WWOX: variants seen among roughly 807,000 people sequenced by gnomAD.
The protein encoded by WWOX is WW domain containing oxidoreductase, also known as WW domain-containing oxidoreductase.
Under a neutral mutation model 46.2 loss-of-function variants are expected in WWOX, and 69 were observed. That is an observed-to-expected ratio of 1.49 (90% CI 1.23 to 1.82). The LOEUF is 1.82. WWOX is among the 40% of genes most tolerant of loss of function. WWOX has a pLI of 0.00. For missense variants in WWOX, 919 were observed against 542.6 expected (o/e 1.69, Z -6.89); for synonymous variants, 359 against 202.6 (o/e 1.77, Z -6.56).
chr16:78,975,292 A>T (rs1411761336), intron 8 of WWOX, among the ~76,000 whole-genome samples: 1 of 152,112 alleles, frequency 6.6e-6, no homozygotes, highest in Non-Finnish European at 1.5e-5. Context: ...TGATTGTCAT[A>T]ACTTAGGATG....
At chr16:79,091,586 C>G (rs548328137) in intron 8 of WWOX, among the ~76,000 whole-genome samples, 5 of 152,190 alleles carry the variant, frequency 3.3e-5, no homozygotes, top group East Asian at 3.9e-4. Flanking sequence ...CCAGAACAAT[C>G]TGGGGGAACT....
intron 8 of WWOX, among the ~76,000 whole-genome samples, chr16:78,719,016 G>C (rs1194779960): frequency 1.3e-5 from 2 of 152,068 alleles, no homozygotes; most frequent in African/African-American, 4.8e-5. Flanking sequence ...GTAGCAGGGG[G>C]GTTAGGTGGG....
At chr16:79,063,643 C>T (rs752596275) in intron 8 of WWOX, among the ~76,000 whole-genome samples, 6 of 152,200 alleles carry the variant, frequency 3.9e-5, no homozygotes, top group East Asian at 1.9e-4. Flanking sequence ...CTGACTCTTG[C>T]GCGCTAGAGT....
intron 4 of WWOX, among the ~76,000 whole-genome samples, chr16:78,132,113 C>G (rs1163653618): frequency 6.6e-6 from 1 of 151,006 alleles, no homozygotes; most frequent in Non-Finnish European, 1.5e-5. Context: ...CAAGCTCCAC[C>G]TCCCGGGTTC....
At chr16:78,707,300 C>G (rs183162714) in intron 8 of WWOX, among the ~76,000 whole-genome samples, 24 of 152,308 alleles carry the variant, frequency 1.6e-4, no homozygotes, top group African/African-American at 5.3e-4. Context: ...GCAAAAATCT[C>G]TACATTTCTC....
intron 8 of WWOX, among the ~76,000 whole-genome samples, chr16:79,024,476 C>T (rs2047597194): frequency 6.6e-6 from 1 of 152,070 alleles, no homozygotes; most frequent in African/African-American, 2.4e-5. Flanking sequence ...CTCTGTTGCC[C>T]AGGCTGGAGT....
chr16:78,873,128 C>A (rs1410363316), intron 8 of WWOX: 1 of 152,154 alleles, frequency 6.6e-6, no homozygotes, highest in African/African-American at 2.4e-5. Context: ...AGTCCTTTTT[C>A]TCTTCCTCCA....
chr16:78,756,764 C>G (rs2049659326), intron 8 of WWOX, among the ~76,000 whole-genome samples: 1 of 152,134 alleles, frequency 6.6e-6, no homozygotes, highest in Admixed American at 6.5e-5. Flanking sequence ...GGGAATGTGG[C>G]CTCTGGTGAT....
intron 5 of WWOX, among the ~76,000 whole-genome samples, chr16:78,360,872 G>A (rs1005391319): frequency 1.1e-4 from 16 of 151,682 alleles, no homozygotes; most frequent in South Asian, 2.1e-4. Context: ...CCAGGCTGGA[G>A]CACAGTGGTA....
intron 8 of WWOX, among the ~76,000 whole-genome samples, chr16:78,455,114 TGG>T (rs1366687545): frequency 2.0e-5 from 3 of 152,176 alleles, no homozygotes; most frequent in African/African-American, 7.2e-5. Flanking sequence ...CTGGGATGTG[TGG>T]CTTTTCTGTC....
At chr16:78,968,753 T>C (rs1264853281) in intron 8 of WWOX, among the ~76,000 whole-genome samples, 1 of 152,180 alleles carries the variant, frequency 6.6e-6, no homozygotes, top group African/African-American at 2.4e-5. Context: ...TTAGGAATCA[T>C]TAGCATGGTG....
chr16:78,524,904 C>T (rs1344328210), intron 8 of WWOX, among the ~76,000 whole-genome samples: 1 of 126,234 alleles, frequency 7.9e-6, no homozygotes, highest in African/African-American at 3.1e-5. Flanking sequence ...TTAGGTCTGG[C>T]ACCCAGGCTG....
chr16:78,697,988 T>G (rs1269157599), intron 8 of WWOX, among the ~76,000 whole-genome samples: 2 of 152,188 alleles, frequency 1.3e-5, no homozygotes, highest in African/African-American at 4.8e-5. Context: ...ACAACTGAGT[T>G]GCTATACTGT....
rs116534538 is a variant in WWOX at position 79,133,995 on chromosome 16, C to G, written c.1057-77613C>G. Reference sequence around the variant, plus strand: ...AAGGAGCAAATATGTGAGCCAGGATCTCATGCTGGACTATCTAAGCAAGCA... The same window carrying G: ...AAGGAGCAAATATGTGAGCCAGGATGTCATGCTGGACTATCTAAGCAAGCA... On this transcript the variant is annotated intron_variant, in intron 8 of 8. Transcript: ENST00000566780. Among the ~76,000 whole-genome samples, 1,342 of 152,198 alleles carry G rather than the reference C, an allele frequency of 8.8e-3. 14 individuals carry two copies. Among genetic ancestry groups the G allele is most frequent in the African/African-American group, 0.031 (1,292 of 41,526 alleles).
intron 8 of WWOX, among the ~76,000 whole-genome samples, chr16:78,581,404 G>T (rs2045049193): frequency 6.6e-6 from 1 of 152,062 alleles, no homozygotes; most frequent in South Asian, 2.1e-4. Context: ...CTTAAATCTG[G>T]GTTGGAAAAA....
At chr16:79,116,624 T>C (rs2049520908) in intron 8 of WWOX, among the ~76,000 whole-genome samples, 1 of 152,198 alleles carries the variant, frequency 6.6e-6, no homozygotes, top group South Asian at 2.1e-4. Flanking sequence ...CGAGTTCTCT[T>C]GCTATTTCTA....
intron 8 of WWOX, among the ~76,000 whole-genome samples, chr16:78,908,812 C>A (rs1373413232): frequency 2.6e-5 from 4 of 152,182 alleles, no homozygotes; most frequent in South Asian, 2.1e-4. Context: ...GCCAGCTGAT[C>A]CATCAATTGC....
chr16:78,770,073 C>A (rs1440056083), intron 8 of WWOX, among the ~76,000 whole-genome samples: 1 of 151,446 alleles, frequency 6.6e-6, no homozygotes. Context: ...AAGAGTAGGT[C>A]GGGCATGGTG....
intron 8 of WWOX, among the ~76,000 whole-genome samples, chr16:78,749,349 C>G (rs1462444566): frequency 6.6e-6 from 1 of 151,998 alleles, no homozygotes. Context: ...AGCTGAAATT[C>G]AAAACAAAAC....
Sources: allele counts gnomAD v4.1 joint callset (sites outside exome capture counted in the v4.1 genomes callset), GRCh38; gene constraint gnomAD v4.1.1; transcripts MANE v1.5; gene names NCBI Gene and HGNC (gene_info 2026-07-23, HGNC 2026-07-21).